ATP1A3: variants seen among roughly 807,000 people sequenced by gnomAD.
The protein encoded by ATP1A3 is sodium/potassium-transporting ATPase subunit alpha-3.
ATP1A3 carries 12 observed loss-of-function variants against 108.8 expected under a neutral mutation model. The ratio of observed to expected loss-of-function variants is 0.11; its 90% CI spans 0.07 to 0.18. The LOEUF (loss-of-function observed/expected upper bound fraction) is 0.18. Ranked by LOEUF, ATP1A3 falls within the 10% of genes least tolerant of loss-of-function variation. The pLI is 1.00. For missense variants in ATP1A3, 498 were observed against 1,387.7 expected (o/e 0.36, Z 10.19); for synonymous variants, 539 against 564.5 (o/e 0.95, Z 0.64).
rs543246593 is a variant in ATP1A3 at position 41,987,864 on chromosome 19, G to C, written c.357+72C>G. ...GGGCTGTGAAAAGCTTAGAGGGATGGGAAGAAGTTGGGGTGCGGTGTCCGT... is the reference window on the plus strand; with the variant it reads ...GGGCTGTGAAAAGCTTAGAGGGATGCGAAGAAGTTGGGGTGCGGTGTCCGT... On this transcript the variant is annotated intron_variant, in intron 4 of 22. Coordinates refer to ENST00000648268, the MANE Select transcript of ATP1A3 (RefSeq NM_152296.5). 1.9e-6 allele frequency: 3 copies of C among 1,557,916 alleles called. No individual in the cohort carries two copies. In the African/African-American group the frequency reaches 4.1e-5, roughly 21 times the overall value.
chr19:41,985,478 T>C lies in ATP1A3; in HGVS notation c.607-55A>G. 6.6e-7 allele frequency: 1 copy of C among 1,523,730 alleles called. No individual in the cohort carries two copies. The allele number at this position is 1,523,730 out of a possible 1,614,324, so 94.4% of individuals were successfully genotyped here. A position where few individuals can be genotyped will look rare whatever the true frequency, so the allele number is the denominator to read the frequency against. On this transcript the variant is annotated intron_variant, in intron 6 of 22. Transcript: ENST00000648268. This position sits in a 1 kb window ranked among gnomAD's most constrained non-coding sequence, Gnocchi z 8.2. Reference sequence around the variant, plus strand: ...CAGTCCAGGGCCTGGGACAGGAGGGTATTTGTGTACAGGGCTTGGGGCTGA... The same window carrying C: ...CAGTCCAGGGCCTGGGACAGGAGGGCATTTGTGTACAGGGCTTGGGGCTGA...
At position 41,978,544 on chromosome 19, in the gene ATP1A3, G is replaced by T; in HGVS notation, c.1630+62C>A. 1 of 1,599,248 alleles carries T rather than the reference G, an allele frequency of 6.3e-7. No homozygotes were observed. On this transcript the variant is annotated intron_variant, in intron 12 of 22. Transcript: ENST00000648268. This position sits in a 1 kb window ranked among gnomAD's most constrained non-coding sequence, Gnocchi z 8.3. ...GAGGCCCTGGGCTGAGACAGGCTTT[G>T]GGCAGCATCACAACCCTCCTTGCCC... is the stretch of plus-strand genomic sequence containing the variant.
At chr19:41,986,711 AT>A in intron 4 of ATP1A3, 1 of 168,832 alleles carries the variant, frequency 5.9e-6, no homozygotes, top group Non-Finnish European at 1.2e-5. Context: ...AAGTGCTGGG[AT>A]TACAGGTGTG....
intron 4 of ATP1A3, among the ~76,000 whole-genome samples, chr19:41,987,235 A>G (rs1331276914): frequency 6.6e-6 from 1 of 151,946 alleles, no homozygotes; most frequent in Admixed American, 6.6e-5. Flanking sequence ...GCTTATGTCT[A>G]AGACTGTTTA....
intron 15 of ATP1A3, among the ~76,000 whole-genome samples, chr19:41,976,085 A>T (rs1219773136): frequency 7.4e-6 from 1 of 134,994 alleles, no homozygotes; most frequent in African/African-American, 2.9e-5. Context: ...CCTCCCTCAG[A>T]CCCAGGGGTC....
chr19:41,972,016 G>A (rs782297505), intron 16 of ATP1A3, among the ~76,000 whole-genome samples: 13 of 152,244 alleles, frequency 8.5e-5, no homozygotes, highest in Admixed American at 2.0e-4. Flanking sequence ...TTGGGAGACC[G>A]AAGCAGGAGG....
At chr19:41,974,245 A>T (rs1286193357) in intron 16 of ATP1A3, among the ~76,000 whole-genome samples, 1 of 151,980 alleles carries the variant, frequency 6.6e-6, no homozygotes, top group Non-Finnish European at 1.5e-5. Context: ...AAAAAGAAAG[A>T]CTAGTCTGGG....
rs1555858768 is a variant in ATP1A3, at chr19:41,967,068, A to T, written c.3014-103T>A. 2.6e-6 allele frequency: 4 copies of T among 1,551,590 alleles called. No homozygotes were observed. On this transcript the variant is annotated intron_variant, in intron 22 of 22. Transcript: ENST00000648268. The surrounding 1 kb of genome is among the most constrained non-coding windows in gnomAD (Gnocchi z 4.2). ...AGAGGGACAGAGAGGGAGAGAGACA[A>T]GGAAACCACACAGACAGAGACCCGT... is the stretch of plus-strand genomic sequence containing the variant.
chr19:41,975,825 C>A (rs782431156), intron 15 of ATP1A3, 28 bp from the exon 16 acceptor site: 1 of 1,609,282 alleles, frequency 6.2e-7, no homozygotes, highest in Non-Finnish European at 8.5e-7. Context: ...AAGGATGACA[C>A]CCAGAGGCCA....
At chr19:41,987,734 G>A (rs1555865885) in intron 4 of ATP1A3, among the ~76,000 whole-genome samples, 2 of 152,304 alleles carry the variant, frequency 1.3e-5, no homozygotes, top group East Asian at 1.9e-4. Flanking sequence ...CCTGCTGTGG[G>A]GCCTTGGACA....
Position 41,988,665 on chromosome 19 carries a change from G to A in ATP1A3, c.7-103C>T, listed in dbSNP as rs920574933. On this transcript the variant is annotated intron_variant, in intron 1 of 22. Coordinates refer to ENST00000648268, the MANE Select transcript of ATP1A3 (RefSeq NM_152296.5). This position sits in a 1 kb window ranked among gnomAD's most constrained non-coding sequence, Gnocchi z 5.3. Reference sequence around the variant, plus strand: ...CCATGCCCCAGCTATCCTCCTGGCCGGTGCCCCTGCATCTCTGGGTGGGGG... The same window carrying A: ...CCATGCCCCAGCTATCCTCCTGGCCAGTGCCCCTGCATCTCTGGGTGGGGG... 34 of 1,601,622 alleles carry A rather than the reference G, an allele frequency of 2.1e-5. No homozygotes were observed. The highest frequency in any genetic ancestry group is 1.1e-4 in the African/African-American group (8 of 74,716).
chr19:41,972,859 AAAG>A (rs1244944931), intron 16 of ATP1A3, among the ~76,000 whole-genome samples: 2 of 132,736 alleles, frequency 1.5e-5, no homozygotes, highest in Admixed American at 7.2e-5. Context: ...GGAAGGAAGG[AAAG>A]AAGGAAGGAA....
At chr19:41,979,631 T>G (rs1365486166) in intron 11 of ATP1A3, among the ~76,000 whole-genome samples, 1 of 152,094 alleles carries the variant, frequency 6.6e-6, no homozygotes, top group Non-Finnish European at 1.5e-5. Flanking sequence ...TTATGAAATG[T>G]CCAGAATAGG....
chr19:41,987,038 C>T (rs1555865704), intron 4 of ATP1A3, among the ~76,000 whole-genome samples: 1 of 152,190 alleles, frequency 6.6e-6, no homozygotes, highest in Non-Finnish European at 1.5e-5. Context: ...GCCACCATGC[C>T]CGACTTGTCC....
In ATP1A3 at chr19:41,976,502, C is replaced by T. The variant is rs782439924; in HGVS notation, c.2008G>A (p.Glu670Lys). 4 of 1,614,076 alleles carry T rather than the reference C, an allele frequency of 2.5e-6. No homozygotes were observed. Among genetic ancestry groups the T allele is most frequent in the South Asian group, 1.1e-5 (1 of 91,066 alleles). Residue 670 changes from glutamate to lysine, a missense_variant, in exon 15 of 23, where the codon GAG (glutamate) becomes AAG (lysine). This residue lies in a region of ATP1A3 where 20 missense variants were observed against 17.8 expected (regional missense o/e 1.12). Coordinates refer to ENST00000648268, the MANE Select transcript of ATP1A3 (RefSeq NM_152296.5). ...ATCTCGGTGTGATTCTGCAGGATCT[C>T]GTCGATTTGCTCGGAGGTGAAGTCC... ...LKDFTSEQID[E>K]ILQNHTEIVF... is the part of the protein sequence containing the mutation.
chr19:41,979,378 G>A (rs573235253), intron 11 of ATP1A3, among the ~76,000 whole-genome samples: 1 of 151,978 alleles, frequency 6.6e-6, no homozygotes, highest in African/African-American at 2.4e-5. Flanking sequence ...ACAGTGGCGA[G>A]ATCACAGCTC....
Position 41,988,750 on chromosome 19 carries a change from T to C in ATP1A3, c.7-188A>G. On this transcript the variant is annotated intron_variant, in intron 1 of 22. Transcript: ENST00000648268. This position sits in a 1 kb window ranked among gnomAD's most constrained non-coding sequence, Gnocchi z 5.3. Reference sequence around the variant, plus strand: ...CCCGGAGCCTCTGGGTGACTTCACCTCCCTTCTGCCTCTGGTGACTCTCAG... The same window carrying C: ...CCCGGAGCCTCTGGGTGACTTCACCCCCCTTCTGCCTCTGGTGACTCTCAG... The C allele has an allele frequency of 8.2e-7, 1 of 1,223,916 alleles. No individual in the cohort carries two copies. The highest frequency in any genetic ancestry group is 1.5e-5 in the South Asian group (1 of 65,708). The allele number at this position is 1,223,916 out of a possible 1,614,324, so 75.8% of individuals were successfully genotyped here.
intron 16 of ATP1A3, 59 bp from the exon 17 acceptor site, chr19:41,970,601 C>T: frequency 6.3e-7 from 1 of 1,576,946 alleles, no homozygotes; most frequent in Non-Finnish European, 8.7e-7. Context: ...CTCCCTCTGC[C>T]CCTCCTCTGC....
intron 4 of ATP1A3, 107 bp downstream of exon 4, chr19:41,987,828 AG>A: frequency 7.4e-7 from 1 of 1,356,696 alleles, no homozygotes; most frequent in Non-Finnish European, 1.0e-6. Flanking sequence ...GATGGGAAAA[AG>A]GGGGAGAGTG....
Sources: gnomAD v4.1 joint callset for allele counts (sites outside exome capture counted in the v4.1 genomes callset) on GRCh38, gnomAD v4.1.1 for gene constraint, gnomAD v4.1.1 regional missense constraint, Gnocchi (gnomAD v3.1) non-coding constraint, MANE v1.5 for transcripts, NCBI Gene and HGNC (gene_info 2026-07-23, HGNC 2026-07-21) for gene names.